Variants in KIF26B observed in about 807,000 individuals in gnomAD.
The protein encoded by KIF26B is kinesin-like protein KIF26B.
In KIF26B, 63 loss-of-function variants were observed where a neutral mutation model predicts 151.2. That is an observed-to-expected ratio of 0.42 (90% confidence interval 0.34 to 0.51). The LOEUF (loss-of-function observed/expected upper bound fraction) is 0.51, where lower values mean the gene tolerates loss of function less well. Among genes scored for constraint, KIF26B ranks in the 20% least tolerant of loss-of-function variants. The pLI, the probability that KIF26B is intolerant of heterozygous loss-of-function variation, is 0.07. For missense variants in KIF26B, 2,813 were observed against 2,913.6 expected, an observed-to-expected ratio of 0.97 and a Z score of 0.79; for synonymous variants, 1,357 against 1,262.1, an observed-to-expected ratio of 1.08 and a Z score of -1.59.
intron 4 of KIF26B, among the ~76,000 whole-genome samples, 199 bp downstream of exon 4, chr1:245,419,944 G>T (rs1364173528): frequency 6.6e-6 from 1 of 152,162 alleles, no homozygotes; most frequent in Non-Finnish European, 1.5e-5. Context: ...GTGTGTTATA[G>T]GGTGGGCTGC....
chr1:245,490,689 CG>C (rs1402702629), intron 4 of KIF26B, among the ~76,000 whole-genome samples: 1 of 152,122 alleles, frequency 6.6e-6, no homozygotes, highest in Non-Finnish European at 1.5e-5. Context: ...AAAAAGCAGC[CG>C]TTTCATATTA....
intron 10 of KIF26B, among the ~76,000 whole-genome samples, chr1:245,654,280 A>G (rs1191190198): frequency 6.6e-6 from 1 of 152,206 alleles, no homozygotes. Context: ...GGGCTAAACA[A>G]AAAATACCAA....
chr1:245,448,311 G>A (rs1168681548), intron 4 of KIF26B, among the ~76,000 whole-genome samples: 8 of 152,154 alleles, frequency 5.3e-5, no homozygotes, highest in African/African-American at 1.7e-4. Flanking sequence ...AGGTGCAAGC[G>A]ATTCTCCTGC....
chr1:245,477,979 C>T (rs1303987632), intron 4 of KIF26B, among the ~76,000 whole-genome samples: 2 of 151,818 alleles, frequency 1.3e-5, no homozygotes, highest in Non-Finnish European at 2.9e-5. Flanking sequence ...ATACCATAAA[C>T]ACACACCCAC....
rs575535459 is a variant in KIF26B, at chr1:245,366,860, C to T, written c.492C>T (p.His164=). 9.3e-6 allele frequency: 15 copies of T among 1,613,972 alleles called. No individual in the cohort carries two copies. Among genetic ancestry groups the T allele is most frequent in the South Asian group, 8.8e-5 (8 of 91,072 alleles). Residue 164 remains histidine, a synonymous_variant, in exon 3 of 15, where the codon CAC becomes CAT. Transcript: ENST00000407071. ...ACCCTGCTTTCTCGGCTGTGATTCA[C>T]GACAAACTCCAGGTCCCCAACACCA... The part of the protein sequence containing the change: ...GKDPAFSAVI[H]DKLQVPNTIR...
chr1:245,402,882 C>A (rs759099706), intron 3 of KIF26B, among the ~76,000 whole-genome samples: 17 of 152,182 alleles, frequency 1.1e-4, no homozygotes, highest in Non-Finnish European at 2.5e-4. Flanking sequence ...AAACTCATGG[C>A]TGCGAAGAGT....
At chr1:245,654,711 G>T (rs2044055017) in intron 10 of KIF26B, among the ~76,000 whole-genome samples, 1 of 152,170 alleles carries the variant, frequency 6.6e-6, no homozygotes, top group African/African-American at 2.4e-5. Flanking sequence ...GTTTCCCACA[G>T]TGGAGAACCA....
chr1:245,368,494 T>C (rs1020780885), intron 3 of KIF26B, among the ~76,000 whole-genome samples: 1 of 152,166 alleles, frequency 6.6e-6, no homozygotes, highest in Non-Finnish European at 1.5e-5. Context: ...CAAATGATCC[T>C]GGAGACCTCA....
chr1:245,657,643 T>C (rs1370761269), intron 10 of KIF26B, among the ~76,000 whole-genome samples: 1 of 152,120 alleles, frequency 6.6e-6, no homozygotes, highest in Non-Finnish European at 1.5e-5. Context: ...TACATAGAGA[T>C]GACTGAACAC....
chr1:245,571,085 C>T (rs934717038), intron 5 of KIF26B, among the ~76,000 whole-genome samples: 2 of 152,202 alleles, frequency 1.3e-5, no homozygotes, highest in African/African-American at 4.8e-5. Context: ...TCTATCATGT[C>T]CTCTTCTCCA....
intron 4 of KIF26B, among the ~76,000 whole-genome samples, chr1:245,513,175 C>T (rs1660873276): frequency 6.7e-6 from 1 of 149,718 alleles, no homozygotes; most frequent in African/African-American, 2.5e-5. Flanking sequence ...GCTTGTGCCT[C>T]TCAACTGCCC....
intron 9 of KIF26B, among the ~76,000 whole-genome samples, chr1:245,636,218 C>T (rs1011876266): frequency 6.6e-6 from 1 of 152,020 alleles, no homozygotes; most frequent in African/African-American, 2.4e-5. Context: ...TTGAAATTGC[C>T]AACTATAATT....
intron 9 of KIF26B, among the ~76,000 whole-genome samples, chr1:245,633,822 A>AT (rs879561583): frequency 2.0e-5 from 3 of 151,858 alleles, no homozygotes; most frequent in South Asian, 2.1e-4. Flanking sequence ...GGTATTTTTA[A>AT]TTTTTTTTGA....
intron 2 of KIF26B, among the ~76,000 whole-genome samples, chr1:245,277,869 A>G (rs909282458): frequency 5.3e-5 from 8 of 152,136 alleles, no homozygotes; most frequent in Non-Finnish European, 1.0e-4. Context: ...ACAAGGAGGT[A>G]TGCTGCCCTC....
At chr1:245,683,580 T>G (rs768698923) in intron 10 of KIF26B, among the ~76,000 whole-genome samples, 1 of 152,174 alleles carries the variant, frequency 6.6e-6, no homozygotes, top group Non-Finnish European at 1.5e-5. Context: ...AGGAGGCCTC[T>G]CTATAGGAAG....
chr1:245,161,561 G>T (rs551764353), intron 2 of KIF26B, among the ~76,000 whole-genome samples: 2 of 152,176 alleles, frequency 1.3e-5, no homozygotes, highest in Admixed American at 1.3e-4. Context: ...CAACAATAGC[G>T]ATGATAGTAA....
intron 12 of KIF26B, among the ~76,000 whole-genome samples, chr1:245,694,140 G>A (rs576379974): frequency 1.3e-5 from 2 of 152,338 alleles, no homozygotes; most frequent in East Asian, 3.9e-4. Context: ...TTGTGGCCCT[G>A]GAGAACCTGC....
At chr1:245,428,989 T>TGGGGGGGGGGGGGGGG (rs1558162150) in intron 4 of KIF26B, among the ~76,000 whole-genome samples, 3 of 81,822 alleles carry the variant, frequency 3.7e-5, no homozygotes, top group East Asian at 5.6e-4. Context: ...GGGGCGGGGG[T>TGGGGGGGGGGGGGGGG]GGGGGGCAGT....
At chr1:245,169,332 T>TGTGGGGGG (rs780111536) in intron 2 of KIF26B, among the ~76,000 whole-genome samples, 9 of 148,038 alleles carry the variant, frequency 6.1e-5, no homozygotes, top group African/African-American at 2.0e-4. Flanking sequence ...GGCCATGGTG[T>TGTGGGGGG]GTGTGTGTGT....
Sources: allele counts gnomAD v4.1 joint callset (sites outside exome capture counted in the v4.1 genomes callset), GRCh38; gene constraint gnomAD v4.1.1; transcripts MANE v1.5; gene names NCBI Gene and HGNC (gene_info 2026-07-23, HGNC 2026-07-21).